Variants in GPHN observed in about 807,000 individuals in gnomAD.
GPHN encodes gephyrin.
GPHN carries 17 observed loss-of-function variants against 95.5 expected under a neutral mutation model. That is an observed-to-expected ratio of 0.18 (90% CI 0.12 to 0.27). GPHN has a LOEUF of 0.27. Ranked by LOEUF, GPHN falls within the 10% of genes least tolerant of loss-of-function variation. The probability of loss-of-function intolerance (pLI) is 1.00; values close to 1 mark genes in which losing one functional copy is unlikely to be tolerated. For missense variants in GPHN, 660 were observed against 978.1 expected, an observed-to-expected ratio of 0.67 and a Z score of 4.34; for synonymous variants, 320 against 322.5, an observed-to-expected ratio of 0.99 and a Z score of 0.08.
the GPHN span, chr14:67,593,496 A>C: frequency 4.4e-6 from 2 of 459,046 alleles, no homozygotes; most frequent in Admixed American, 7.6e-5. Flanking sequence ...GTCTCAAAAA[A>C]AAAAAAAGAA....
rs187510594 is a variant in GPHN at position 67,121,589 on chromosome 14, C to T, written c.1627-667C>T. ...TCTTCCTACTCTACAATCTGACTAC[C>T]TCATTGGAACATCCTAAGGTAGAAT... On this transcript the variant is annotated intron_variant, in intron 16 of 22. Transcript: ENST00000478722. Among the ~76,000 whole-genome samples the T allele has an allele frequency of 8.3e-4, 126 of 152,256 alleles. 1 individual carries two copies. Among genetic ancestry groups the T allele is most frequent in the Admixed American group, 7.5e-3 (114 of 15,298 alleles).
intron 1 of GPHN, among the ~76,000 whole-genome samples, chr14:66,553,223 T>TCAGG (rs2059887819): frequency 6.6e-6 from 1 of 152,134 alleles, no homozygotes; most frequent in South Asian, 2.1e-4. Flanking sequence ...ACTTTTGACC[T>TCAGG]CAGGCAATCT....
chr14:67,224,626 T>A, the GPHN span: 5 of 222,626 alleles, frequency 2.2e-5, no homozygotes, highest in African/African-American at 4.8e-5. Flanking sequence ...AACTTTTAAA[T>A]TTTTTTTTTT....
intron 2 of GPHN, among the ~76,000 whole-genome samples, chr14:66,717,409 A>AT (rs763770713): frequency 1.1e-3 from 160 of 149,638 alleles, no homozygotes; most frequent in Non-Finnish European, 1.9e-3. Context: ...TTCTTATATC[A>AT]TTTTTTTTTA....
At chr14:67,666,621 C>A in the GPHN span, among the ~76,000 whole-genome samples, 2 of 152,302 alleles carry the variant, frequency 1.3e-5, no homozygotes, top group East Asian at 1.9e-4. Context: ...TTTAAAAATT[C>A]TTTAGGCTCA....
At chr14:67,047,318 TTGTGTGTGTGTGTGTTTGTGTGTGTGTG>T (rs2075070678) in intron 10 of GPHN, among the ~76,000 whole-genome samples, 2 of 132,886 alleles carry the variant, frequency 1.5e-5, no homozygotes, top group Non-Finnish European at 3.1e-5. Flanking sequence ...TTCATTTATT[TTGTGTGTGTGTGTGTTTGTGTGTGTGTG>T]TGTGTGTGTG....
the GPHN span, chr14:67,645,525 C>A: frequency 8.7e-7 from 1 of 1,154,982 alleles, no homozygotes; most frequent in Non-Finnish European, 1.2e-6. Flanking sequence ...AACCCAGTCT[C>A]CATCTAGGCC....
intron 3 of GPHN, among the ~76,000 whole-genome samples, chr14:66,780,607 T>C (rs746996753): frequency 2.6e-5 from 4 of 152,108 alleles, no homozygotes; most frequent in African/African-American, 4.8e-5. Context: ...AAAAGCAGGA[T>C]TCATGGATGA....
the GPHN span, among the ~76,000 whole-genome samples, chr14:67,191,105 G>A: frequency 6.6e-6 from 1 of 152,164 alleles, no homozygotes; most frequent in Non-Finnish European, 1.5e-5. Context: ...ATGGTGGCGG[G>A]CGCCTCTAAT....
chr14:67,282,336 C>T, the GPHN span, among the ~76,000 whole-genome samples: 1 of 152,080 alleles, frequency 6.6e-6, no homozygotes, highest in Non-Finnish European at 1.5e-5. Context: ...TTTTTCACAT[C>T]TAGAAACAGC....
At chr14:67,118,880 T>C (rs2078853153) in intron 16 of GPHN, among the ~76,000 whole-genome samples, 1 of 152,246 alleles carries the variant, frequency 6.6e-6, no homozygotes, top group Non-Finnish European at 1.5e-5. Context: ...ATATTTGTTA[T>C]GCTGGCATAT....
At chr14:66,683,329 AATAT>A (rs59011754) in intron 2 of GPHN, among the ~76,000 whole-genome samples, 2 of 7,920 alleles carry the variant, frequency 2.5e-4, no homozygotes, top group Non-Finnish European at 1.7e-4. Flanking sequence ...CCAATGTGGA[AATAT>A]ATATATATAT....
intron 12 of GPHN, among the ~76,000 whole-genome samples, chr14:67,091,681 A>T (rs1469926820): frequency 6.6e-6 from 1 of 151,766 alleles, no homozygotes; most frequent in Admixed American, 6.6e-5. Context: ...AGCTAGCAGC[A>T]GCTCAATTAA....
chr14:66,520,372 C>T (rs998860770), intron 1 of GPHN, among the ~76,000 whole-genome samples: 1 of 152,076 alleles, frequency 6.6e-6, no homozygotes, highest in African/African-American at 2.4e-5. Flanking sequence ...GAATATACTT[C>T]TTGAGTTACA....
chr14:67,444,376 C>T, the GPHN span, among the ~76,000 whole-genome samples: 5 of 152,102 alleles, frequency 3.3e-5, no homozygotes, highest in Non-Finnish European at 7.3e-5. Context: ...GGAGAGTGGC[C>T]CCTTTCTGGT....
chr14:66,679,399 A>G (rs8014297), intron 1 of GPHN, among the ~76,000 whole-genome samples: 46,994 of 151,878 alleles, frequency 0.31, 10,993 homozygotes, highest in African/African-American at 0.63. Flanking sequence ...GATTTTCAGC[A>G]TTTTGAGTGT....
chr14:67,727,491 T>G, the GPHN span: 1,515 of 356,548 alleles, frequency 4.2e-3, 24 homozygotes, highest in African/African-American at 0.014. Flanking sequence ...TTTTGTTTTT[T>G]TTTTTTTGAG....
rs576551233 is a variant in GPHN, at chr14:66,537,930, C to T, written c.64+29339C>T. 8.5e-5 allele frequency among the ~76,000 whole-genome samples: 13 copies of T among 152,222 alleles called. No individual in the cohort carries two copies. The East Asian group carries it at 2.3e-3, about 27-fold the overall frequency. On this transcript the variant is annotated intron_variant, in intron 1 of 22. Transcript: ENST00000478722. The stretch of plus-strand genomic sequence containing the variant: ...GCAGCCTCTAACTCCTAGGCTCGAG[C>T]GATCCTCCTACCTTATCCTCTCAAG...
the GPHN span, among the ~76,000 whole-genome samples, chr14:67,395,918 CT>C: frequency 6.6e-6 from 1 of 152,170 alleles, no homozygotes; most frequent in Non-Finnish European, 1.5e-5. Context: ...AATGCCCAGG[CT>C]TTAAAATCAG....
Sources: gnomAD v4.1 joint callset for allele counts (sites outside exome capture counted in the v4.1 genomes callset) on GRCh38, gnomAD v4.1.1 for gene constraint, MANE v1.5 for transcripts, NCBI Gene and HGNC (gene_info 2026-07-23, HGNC 2026-07-21) for gene names.